Variants in CDH7 observed in about 807,000 individuals in gnomAD.
CDH7 encodes the protein cadherin 7, also known as cadherin-7.
CDH7 carries 25 observed loss-of-function variants against 71.8 expected under a neutral mutation model. The ratio of observed to expected loss-of-function variants is 0.35; its 90% CI spans 0.25 to 0.49. The LOEUF is 0.49. Among genes scored for constraint, CDH7 ranks in the 20% least tolerant of loss-of-function variants. The pLI is 0.99. For synonymous variants in CDH7, 381 were observed against 363.8 expected (o/e 1.05, Z -0.54); for missense variants, 862 against 974.6 (o/e 0.88, Z 1.54).
chr18:65,807,041 G>GA (rs2143899045), intron 2 of CDH7, among the ~76,000 whole-genome samples: 1 of 151,324 alleles, frequency 6.6e-6, no homozygotes, highest in African/African-American at 2.4e-5. Context: ...CCAGCTGGGA[G>GA]AAAATTGTCA....
At chr18:65,829,444 T>C (rs1912253337) in intron 6 of CDH7, among the ~76,000 whole-genome samples, 1 of 142,646 alleles carries the variant, frequency 7.0e-6, no homozygotes, top group African/African-American at 2.6e-5. Context: ...TCTGAAACGT[T>C]GCTGTTTGAA....
At chr18:65,751,391 C>T (rs1258663896) in intron 1 of CDH7, among the ~76,000 whole-genome samples, 1 of 152,180 alleles carries the variant, frequency 6.6e-6, no homozygotes, top group African/African-American at 2.4e-5. Context: ...TTGACAGACA[C>T]CAGGTGCGAC....
Position 65,840,671 on chromosome 18 carries a change from C to T in CDH7, c.982-3141C>T, listed in dbSNP as rs1034783347. On this transcript the variant is annotated intron_variant, in intron 6 of 11. Transcript: ENST00000397968. ...CAAGCTCTTCTCTTGTCTGCCACCA[C>T]GTGAGATGTGCCTTTCACCTTCTGT... Among the ~76,000 whole-genome samples, 9 of 152,078 alleles carry T rather than the reference C, an allele frequency of 5.9e-5. 1 individual carries two copies. In the East Asian group the frequency reaches 1.2e-3, roughly 20 times the overall value.
intron 2 of CDH7, among the ~76,000 whole-genome samples, chr18:65,771,361 C>T (rs771155193): frequency 6.6e-5 from 10 of 151,834 alleles, no homozygotes; most frequent in Non-Finnish European, 1.3e-4. Flanking sequence ...GTATTAGAGC[C>T]GTAAACAGTG....
chr18:65,844,798 A>G (rs1432319141), intron 7 of CDH7, among the ~76,000 whole-genome samples: 1 of 152,064 alleles, frequency 6.6e-6, no homozygotes, highest in Non-Finnish European at 1.5e-5. Flanking sequence ...TTATAAATAG[A>G]ATATACTTGA....
chr18:65,842,506 T>TAA (rs1912770729), intron 6 of CDH7, among the ~76,000 whole-genome samples: 1 of 151,822 alleles, frequency 6.6e-6, no homozygotes, highest in Non-Finnish European at 1.5e-5. Flanking sequence ...TTTATATATA[T>TAA]AATGTGTATA....
chr18:65,822,223 C>T lies in CDH7; in HGVS notation c.768C>T (p.Asn256=), dbSNP rs763088891. 31 of 1,610,492 alleles carry T rather than the reference C, an allele frequency of 1.9e-5. No individual in the cohort carries two copies. The highest frequency in any genetic ancestry group is 1.6e-4 in the Middle Eastern group (1 of 6,070). ...TSVTVTLTDV[N]DNPPRFPRRS... is the part of the protein sequence containing the mutation. ...TCACTGTGACCCTAACTGATGTCAA[C>T]GATAATCCACCTCGCTTTCCTCGAA... is the stretch of plus-strand genomic sequence containing the variant. Residue 256 remains asparagine, a synonymous_variant, in exon 5 of 12, where the codon AAC becomes AAT. Transcript: ENST00000397968.
intron 10 of CDH7, among the ~76,000 whole-genome samples, chr18:65,862,454 T>C (rs1913598147): frequency 6.6e-6 from 1 of 152,234 alleles, no homozygotes; most frequent in South Asian, 2.1e-4. Flanking sequence ...TCTTTTGTTA[T>C]ACTGCATAGA....
At chr18:65,808,840 G>A (rs1444017505) in intron 2 of CDH7, among the ~76,000 whole-genome samples, 2 of 152,210 alleles carry the variant, frequency 1.3e-5, no homozygotes, top group Non-Finnish European at 2.9e-5. Context: ...GTGAAAGATT[G>A]TTGAAATGAC....
At chr18:65,810,440 C>T (rs945881710) in intron 3 of CDH7, among the ~76,000 whole-genome samples, 1 of 152,114 alleles carries the variant, frequency 6.6e-6, no homozygotes, top group South Asian at 2.1e-4. Flanking sequence ...ATCAAGAAGG[C>T]CATCAATGGC....
rs1207482750 is a variant in CDH7, at chr18:65,781,858, C to CT, written c.210+18809dup. ...TCTTTCTTTCTTTCTTTCTTTCTTTCTTTCTTTCTCTCTCTCTCTCTGTCT... is the reference window on the plus strand; with the variant it reads ...TCTTTCTTTCTTTCTTTCTTTCTTTCTTTTCTTTCTCTCTCTCTCTCTGTCT... On this transcript the variant is annotated intron_variant, in intron 2 of 11. Coordinates refer to ENST00000397968, the MANE Select transcript of CDH7 (RefSeq NM_004361.5). Among the ~76,000 whole-genome samples, 3 of 77,148 alleles carry CT rather than the reference C, an allele frequency of 3.9e-5. 1 individual carries two copies. The highest frequency in any genetic ancestry group is 6.8e-5 in the Non-Finnish European group (3 of 43,892). The allele number at this position is 77,148 out of a possible 152,430, so 50.6% of individuals were successfully genotyped here.
At chr18:65,769,591 G>T (rs972001942) in intron 2 of CDH7, among the ~76,000 whole-genome samples, 5 of 152,136 alleles carry the variant, frequency 3.3e-5, no homozygotes, top group African/African-American at 7.2e-5. Context: ...TTCAAAATTT[G>T]CCAGTTGTTC....
In CDH7 at chr18:65,790,354, G is replaced by A. The variant is rs1423282337; in HGVS notation, c.211-19350G>A. Among the ~76,000 whole-genome samples the A allele has an allele frequency of 4.6e-5, 7 of 151,920 alleles. No individual in the cohort carries two copies. The East Asian group carries it at 1.2e-3, about 25-fold the overall frequency. ...TTGAACCTAGTTGATGGTGAAGCAT[G>A]CATTATTTAATGTCTCTCGATAAAG... is the stretch of plus-strand genomic sequence containing the variant. On this transcript the variant is annotated intron_variant, in intron 2 of 11. Transcript: ENST00000397968.
At chr18:65,830,664 TC>T (rs1912311366) in intron 6 of CDH7, among the ~76,000 whole-genome samples, 1 of 92,144 alleles carries the variant, frequency 1.1e-5, no homozygotes, top group South Asian at 5.3e-4. Flanking sequence ...TTTCTCTCTC[TC>T]TCTTCCTTTC....
At chr18:65,756,157 A>G (rs2143772233) in intron 1 of CDH7, among the ~76,000 whole-genome samples, 1 of 152,274 alleles carries the variant, frequency 6.6e-6, no homozygotes, top group South Asian at 2.1e-4. Flanking sequence ...GCTGCTGCCT[A>G]AATGTAGTTC....
chr18:65,809,045 G>A lies in CDH7; in HGVS notation c.211-659G>A, dbSNP rs144231320. ...TCATGCAAATCTAATGCAGTTCTGG[G>A]TATTTCAACAAAGCTTTTAGTTGAA... On this transcript the variant is annotated intron_variant, in intron 2 of 11. Coordinates refer to ENST00000397968, the MANE Select transcript of CDH7 (RefSeq NM_004361.5). Among the ~76,000 whole-genome samples the A allele has an allele frequency of 6.0e-4, 91 of 152,272 alleles. 1 individual carries two copies. In the East Asian group the frequency reaches 0.016, roughly 27 times the overall value.
chr18:65,817,981 C>T (rs1911779241), intron 4 of CDH7, among the ~76,000 whole-genome samples: 1 of 152,308 alleles, frequency 6.6e-6, no homozygotes, highest in South Asian at 2.1e-4. Context: ...TCTATTTCCT[C>T]ATGCATCAGT....
At chr18:65,815,269 G>A (rs1911685345) in intron 4 of CDH7, among the ~76,000 whole-genome samples, 1 of 152,106 alleles carries the variant, frequency 6.6e-6, no homozygotes, top group Non-Finnish European at 1.5e-5. Flanking sequence ...AATGTATTCA[G>A]TTTTTCTGGT....
Position 65,756,614 on chromosome 18 carries a change from A to C in CDH7, c.-197+5464A>C, listed in dbSNP as rs75785512. Among the ~76,000 whole-genome samples the C allele has an allele frequency of 2.6e-3, 394 of 152,370 alleles. 2 individuals carry two copies. The highest frequency in any genetic ancestry group is 9.0e-3 in the African/African-American group (374 of 41,598). On this transcript the variant is annotated intron_variant, in intron 1 of 11. Transcript: ENST00000397968. ...GCATCTGAGGCAGACTCCAGACAGC[A>C]GAGAGCATGAGCAGCTGCTCCTTGC...
Sources: gnomAD v4.1 joint callset for allele counts (sites outside exome capture counted in the v4.1 genomes callset) on GRCh38, gnomAD v4.1.1 for gene constraint, MANE v1.5 for transcripts, NCBI Gene and HGNC (gene_info 2026-07-23, HGNC 2026-07-21) for gene names.